Variants in SOX5 observed in about 807,000 individuals in gnomAD.
The protein encoded by SOX5 is transcription factor SOX-5.
A neutral mutation model predicts 92.0 loss-of-function variants in SOX5; 9 were observed. The observed-to-expected ratio is 0.10, with a 90% CI of 0.06 to 0.17. SOX5 has a LOEUF of 0.17. SOX5 is among the 10% of genes least tolerant of loss of function. The pLI is 1.00. For synonymous variants in SOX5, 344 were observed against 336.3 expected (o/e 1.02, Z -0.25); for missense variants, 642 against 944.5 (o/e 0.68, Z 4.20).
chr12:24,047,145 G>C (rs899656394), intron 4 of SOX5, among the ~76,000 whole-genome samples: 10 of 152,130 alleles, frequency 6.6e-5, no homozygotes, highest in Non-Finnish European at 1.3e-4. Flanking sequence ...ACAATCAAAA[G>C]ACATGGTGAA....
At chr12:23,847,672 GA>G (rs554007638) in intron 2 of SOX5, among the ~76,000 whole-genome samples, 23 of 145,610 alleles carry the variant, frequency 1.6e-4, no homozygotes, top group East Asian at 7.9e-4. Context: ...TGGGGAAGGC[GA>G]AAAAAAAAAT....
At position 23,865,247 on chromosome 12, in the gene SOX5, G is replaced by A. The variant is rs141045989; in HGVS notation, c.271-19054C>T. Among the ~76,000 whole-genome samples, 20 of 152,284 alleles carry A rather than the reference G, an allele frequency of 1.3e-4. No individual in the cohort carries two copies. The East Asian group carries it at 3.1e-3, about 23-fold the overall frequency. ...AAAAATACTACTGCTCATTGACAACGCACCAAGTCACCCAGAAGCTCTGCT... is the reference window on the plus strand; with the variant it reads ...AAAAATACTACTGCTCATTGACAACACACCAAGTCACCCAGAAGCTCTGCT... On this transcript the variant is annotated intron_variant, in intron 2 of 14. Transcript: ENST00000451604.
intron 1 of SOX5, among the ~76,000 whole-genome samples, chr12:24,506,083 C>G (rs1011959955): frequency 6.6e-6 from 1 of 152,014 alleles, no homozygotes; most frequent in Non-Finnish European, 1.5e-5. Context: ...GACCACACCC[C>G]CTATGTGTGA....
At position 23,945,839 on chromosome 12, in the gene SOX5, G is replaced by T. The variant is rs373922848; in HGVS notation, c.38+3725C>A. 1.1e-3 allele frequency among the ~76,000 whole-genome samples: 164 copies of T among 152,074 alleles called. 2 individuals carry two copies. The highest frequency in any genetic ancestry group is 3.4e-3 in the African/African-American group (141 of 41,508). ...ACTCATGAGCACAACGGATTTTTTTGTTGTTGTTGTTAAGGTTTTTAATTA... is the reference window on the plus strand; with the variant it reads ...ACTCATGAGCACAACGGATTTTTTTTTTGTTGTTGTTAAGGTTTTTAATTA... On this transcript the variant is annotated intron_variant, in intron 1 of 14. Transcript: ENST00000451604.
At chr12:23,669,918 G>A (rs916837151) in intron 6 of SOX5, among the ~76,000 whole-genome samples, 62 of 152,250 alleles carry the variant, frequency 4.1e-4, no homozygotes, top group African/African-American at 1.5e-3. Context: ...GAGATCTTCA[G>A]AGGCCACGCT....
At chr12:24,130,092 G>GA (rs1257885128) in intron 4 of SOX5, among the ~76,000 whole-genome samples, 6 of 150,162 alleles carry the variant, frequency 4.0e-5, no homozygotes, top group African/African-American at 7.3e-5. Flanking sequence ...GGAGAAGCAA[G>GA]AAAAAAAAAG....
At chr12:23,941,351 G>C (rs914434080) in intron 1 of SOX5, among the ~76,000 whole-genome samples, 1 of 151,518 alleles carries the variant, frequency 6.6e-6, no homozygotes, top group Non-Finnish European at 1.5e-5. Flanking sequence ...CTAGAAGAAT[G>C]CTTTTAAAGC....
rs148826335 is a variant in SOX5 at position 24,499,437 on chromosome 12, G to A, written c.-251+62892C>T. On this transcript the variant is annotated intron_variant, in intron 1 of 4. Transcript: ENST00000446891. The stretch of plus-strand genomic sequence containing the variant: ...AGCAAAGATGGGTGCTATGCGCACC[G>A]CAAGGAAAGGGGATAATATGAGCAA... Among the ~76,000 whole-genome samples, 299 of 152,342 alleles carry A rather than the reference G, an allele frequency of 2.0e-3. 2 individuals are homozygous for A. Among genetic ancestry groups the A allele is most frequent in the Middle Eastern group, 0.014 (4 of 294 alleles).
intron 2 of SOX5, among the ~76,000 whole-genome samples, chr12:24,357,840 C>CA (rs566913275): frequency 0.083 from 8,689 of 105,164 alleles, 438 homozygotes; most frequent in African/African-American, 0.16. Context: ...GACTCCATCT[C>CA]AAAAAAAAAA....
Position 24,451,429 on chromosome 12 carries a change from T to C in SOX5, c.-250-82790A>G, listed in dbSNP as rs182880775. ...CACTCCCACAAAGAGTGTATAAGGG[T>C]TCCCTTTTCTACACATCCTTGCCAG... On this transcript the variant is annotated intron_variant, in intron 1 of 4. Coordinates refer to the SOX5 transcript ENST00000446891. 1.1e-3 allele frequency among the ~76,000 whole-genome samples: 163 copies of C among 152,286 alleles called. 1 individual carries two copies. The highest frequency in any genetic ancestry group is 0.01 in the Middle Eastern group (3 of 294).
intron 4 of SOX5, among the ~76,000 whole-genome samples, chr12:23,972,880 C>T (rs1420966953): frequency 6.6e-6 from 1 of 151,986 alleles, no homozygotes; most frequent in Non-Finnish European, 1.5e-5. Context: ...TTACTGTGAC[C>T]ACCATGCAGT....
At chr12:23,709,094 AT>A in intron 6 of SOX5, among the ~76,000 whole-genome samples, 1 of 152,118 alleles carries the variant, frequency 6.6e-6, no homozygotes, top group Non-Finnish European at 1.5e-5. Context: ...GGAATCTTTT[AT>A]TTTTAAATTT....
chr12:24,460,099 G>A (rs1566218708), intron 1 of SOX5, among the ~76,000 whole-genome samples: 2 of 152,184 alleles, frequency 1.3e-5, no homozygotes, highest in East Asian at 1.9e-4. Context: ...TCAGAAAAGG[G>A]TAGGGGTGCA....
intron 4 of SOX5, among the ~76,000 whole-genome samples, chr12:24,189,869 A>G (rs1249329589): frequency 6.6e-6 from 1 of 152,330 alleles, no homozygotes; most frequent in South Asian, 2.1e-4. Context: ...ACAAGTTCCA[A>G]TATTGAGACA....
In SOX5 at chr12:23,639,890, A is replaced by G. The variant is rs958811285; in HGVS notation, c.1017+922T>C. Among the ~76,000 whole-genome samples, 15 of 152,328 alleles carry G rather than the reference A, an allele frequency of 9.8e-5. No homozygotes were observed. The East Asian group carries it at 2.7e-3, about 27-fold the overall frequency. ...TAGACTAAGATCACCTATCATGACAATACCTTTTCACGAAGAAAAATTAAT... is the reference window on the plus strand; with the variant it reads ...TAGACTAAGATCACCTATCATGACAGTACCTTTTCACGAAGAAAAATTAAT... On this transcript the variant is annotated intron_variant, in intron 8 of 14. Transcript: ENST00000451604.
chr12:24,476,915 C>A (rs914218791), intron 1 of SOX5, among the ~76,000 whole-genome samples: 2 of 145,674 alleles, frequency 1.4e-5, no homozygotes, highest in South Asian at 2.2e-4. Flanking sequence ...GTAATCGAAG[C>A]ACTTTGGGAG....
chr12:24,234,704 T>C (rs1964106110), intron 3 of SOX5, among the ~76,000 whole-genome samples: 1 of 152,190 alleles, frequency 6.6e-6, no homozygotes, highest in Non-Finnish European at 1.5e-5. Flanking sequence ...TTTTGATGGC[T>C]TATAGTTATG....
At chr12:23,789,801 C>G (rs537855755) in intron 3 of SOX5, among the ~76,000 whole-genome samples, 4 of 152,204 alleles carry the variant, frequency 2.6e-5, no homozygotes, top group Admixed American at 2.6e-4. Flanking sequence ...AGATCTTGAT[C>G]TGGATATTAC....
At chr12:23,543,683 A>AGTTTATTATT (rs1942565455) in intron 12 of SOX5, among the ~76,000 whole-genome samples, 1 of 152,196 alleles carries the variant, frequency 6.6e-6, no homozygotes. Context: ...TTTTTGATGC[A>AGTTTATTATT]ATTCGGAAAG....
Sources: allele counts gnomAD v4.1 joint callset (sites outside exome capture counted in the v4.1 genomes callset), GRCh38; gene constraint gnomAD v4.1.1; transcripts MANE v1.5; gene names NCBI Gene and HGNC (gene_info 2026-07-23, HGNC 2026-07-21).